Variants in TTC14 observed in about 807,000 individuals in gnomAD.
TTC14 encodes tetratricopeptide repeat protein 14.
Under a neutral mutation model 79.9 loss-of-function variants are expected in TTC14, and 63 were observed. That is an observed-to-expected ratio of 0.79 (90% CI 0.64 to 0.97). The LOEUF (loss-of-function observed/expected upper bound fraction) is 0.97, where lower values mean the gene tolerates loss of function less well. Among genes scored for constraint, TTC14 ranks in the 50% least tolerant of loss-of-function variants. The probability of loss-of-function intolerance (pLI) is 0.00; values close to 1 mark genes in which losing one functional copy is unlikely to be tolerated. For missense variants in TTC14, 895 were observed against 894.0 expected (o/e 1.00, Z -0.01); for synonymous variants, 335 against 309.6 (o/e 1.08, Z -0.86).
intron 10 of TTC14, chr3:180,608,446 A>T: frequency 9.7e-7 from 1 of 1,031,148 alleles, no homozygotes; most frequent in South Asian, 4.5e-5. Flanking sequence ...GTACCACTGC[A>T]ATGGCTTCCC....
chr3:180,602,811 TG>T, intron 1 of TTC14, 79 bp from the exon 2 acceptor site: 1 of 1,475,560 alleles, frequency 6.8e-7, no homozygotes, highest in African/African-American at 1.4e-5. Context: ...GAATGGGCGA[TG>T]AAAGCCATAA....
chr3:180,609,012 A>C, intron 11 of TTC14: 1 of 1,088,102 alleles, frequency 9.2e-7, no homozygotes, highest in Non-Finnish European at 1.1e-6. Context: ...AATTCTACAA[A>C]AAAAGAGTAT....
rs1475409607 is a variant in TTC14, at chr3:180,603,232, G to T, written c.395G>T (p.Arg132Ile). The T allele has an allele frequency of 1.9e-6, 3 of 1,614,106 alleles. No homozygotes were observed. The South Asian group carries it at 3.3e-5, about 18-fold the overall frequency. Residue 132 changes from arginine (R) to isoleucine (I), a missense_variant, in exon 3 of 12, where the codon AGA becomes ATA. Physicochemically the swap from Arg to Ile is moderately conservative, Grantham distance 97. Coordinates refer to ENST00000296015, the MANE Select transcript of TTC14 (RefSeq NM_133462.4). Reference sequence around the variant, plus strand: ...GAGCGTGGTGATATAGTGATTGGAAGAATTAGTTCTATTCGGGAATTCGGT... The same window carrying T: ...GAGCGTGGTGATATAGTGATTGGAATAATTAGTTCTATTCGGGAATTCGGT... ...DIERGDIVIG[R>I]ISSIREFGFF...
downstream of TTC14, chr3:180,614,072 A>G (rs182186111): frequency 1.4e-5 from 4 of 278,680 alleles, no homozygotes; most frequent in East Asian, 3.7e-4. Flanking sequence ...CCAAGAGTAC[A>G]AAGTGTTGGG....
chr3:180,607,920 T>C (rs778746484), intron 10 of TTC14, 155 bp downstream of exon 10: 6 of 1,407,648 alleles, frequency 4.3e-6, no homozygotes, highest in African/African-American at 1.5e-5. Context: ...TTGACATTGC[T>C]TCATAGTGCC....
At chr3:180,605,644 G>C in intron 6 of TTC14, 122 bp from the exon 7 acceptor site, 1 of 647,580 alleles carries the variant, frequency 1.5e-6, no homozygotes, top group Non-Finnish European at 2.6e-6. Context: ...TATGTAAATA[G>C]AATGCAGATT....
At chr3:180,612,551 G>A (rs146867011), downstream of TTC14, among the ~76,000 whole-genome samples, 673 of 152,240 alleles carry the variant, frequency 4.4e-3, 9 homozygotes, top group African/African-American at 0.016. Flanking sequence ...GATTGCTTGA[G>A]GCTAGAAATT....
Position 180,603,217 on chromosome 3 carries a change from A to C in TTC14, c.380A>C (p.Asp127Ala). 2 of 1,613,980 alleles carry C rather than the reference A, an allele frequency of 1.2e-6. No homozygotes were observed. The highest frequency in any genetic ancestry group is 1.7e-6 in the Non-Finnish European group (2 of 1,179,990). Residue 127 changes from aspartate to alanine, a missense_variant, in exon 3 of 12, where the codon GAT becomes GCT. Physicochemically the swap from Asp to Ala is moderately radical, Grantham distance 126 (BLOSUM62 -2). Coordinates refer to ENST00000296015, the MANE Select transcript of TTC14 (RefSeq NM_133462.4). ...TTTTTCCGAGATATTGAGCGTGGTG[A>C]TATAGTGATTGGAAGAATTAGTTCT... ...ELFFRDIERG[D>A]IVIGRISSIR...
At chr3:180,606,707 C>A in intron 9 of TTC14, 104 bp downstream of exon 9, 1 of 1,289,386 alleles carries the variant, frequency 7.8e-7, no homozygotes, top group Non-Finnish European at 1.1e-6. Context: ...ATTTATAACA[C>A]TCTTGGTTTC....
At chr3:180,602,773 T>G in intron 1 of TTC14, 118 bp from the exon 2 acceptor site, 1 of 1,222,322 alleles carries the variant, frequency 8.2e-7, no homozygotes, top group South Asian at 1.6e-5. Flanking sequence ...TGTCTGAGGT[T>G]GTATTGTCTG....
chr3:180,610,261 T>C lies in TTC14; in HGVS notation c.2032T>C (p.Ser678Pro). The change falls in exon 12 of 12, where the codon TCT (serine) becomes CCT (proline). Residue 678 changes from serine (S) to proline (P), a missense_variant. Physicochemically the swap from Ser to Pro is moderately conservative, Grantham distance 74. Coordinates refer to ENST00000296015, the MANE Select transcript of TTC14 (RefSeq NM_133462.4). ...HSTSPASSEY[S>P]WKSVEKYKKY... ...TACCTCACCAGCAAGCTCAGAATAC[T>C]CTTGGAAGTCAGTTGAGAAATACAA... is the stretch of plus-strand genomic sequence containing the variant. 2.5e-6 allele frequency: 4 copies of C among 1,613,978 alleles called. No individual in the cohort carries two copies. The highest frequency in any genetic ancestry group is 3.4e-6 in the Non-Finnish European group (4 of 1,179,916).
chr3:180,604,396 A>G (rs1716557309), intron 4 of TTC14, 82 bp from the exon 5 acceptor site: 7 of 1,535,432 alleles, frequency 4.6e-6, no homozygotes, highest in South Asian at 1.2e-5. Context: ...CTAAGAGGGT[A>G]GTGTTTGGGA....
At position 180,608,805 on chromosome 3, in the gene TTC14, G is replaced by C. The variant is rs373645200; in HGVS notation, c.1395G>C (p.Glu465Asp). 2.6e-5 allele frequency: 40 copies of C among 1,532,026 alleles called. No individual in the cohort carries two copies. Among genetic ancestry groups the C allele is most frequent in the East Asian group, 4.7e-5 (2 of 42,774 alleles). The allele number at this position is 1,532,026 out of a possible 1,614,324, so 94.9% of individuals were successfully genotyped here. A position where few individuals can be genotyped will look rare whatever the true frequency, so the allele number is the denominator to read the frequency against. ...AGTTGCGTAAGCTCTTAAAAGAAGAGAAGAGGTAAACTATAATATTCAGTA... is the reference window on the plus strand; with the variant it reads ...AGTTGCGTAAGCTCTTAAAAGAAGACAAGAGGTAAACTATAATATTCAGTA... The part of the protein sequence containing the change: ...AEKLRKLLKE[E>D]KRLKKKRRKS... The change falls in exon 11 of 12, where the codon GAG (glutamate) becomes GAC (aspartate). Residue 465 changes from glutamate (E) to aspartate (D), a missense_variant. Coordinates refer to ENST00000296015, the MANE Select transcript of TTC14 (RefSeq NM_133462.4).
At chr3:180,605,954 TGACATGAGC>T in intron 7 of TTC14, 117 bp downstream of exon 7, 1 of 1,049,192 alleles carries the variant, frequency 9.5e-7, no homozygotes, top group Non-Finnish European at 1.4e-6. Flanking sequence ...GATGCCTTTT[TGACATGAGC>T]TTTTCTTTTA....
In TTC14 at chr3:180,606,237, C is replaced by G. The variant is rs1716675248; in HGVS notation, c.930-16C>G. ...TGTTTGAAGTGTTTGTGATGCTTTA[C>G]AAATGTCTTTTTTAGTGTGAAGATC... On this transcript the variant is annotated splice_polypyrimidine_tract_variant and intron_variant, in intron 7 of 11. Coordinates refer to ENST00000296015, the MANE Select transcript of TTC14 (RefSeq NM_133462.4). 1 of 1,612,850 alleles carries G rather than the reference C, an allele frequency of 6.2e-7. No individual in the cohort carries two copies. The highest frequency in any genetic ancestry group is 8.5e-7 in the Non-Finnish European group (1 of 1,179,646).
chr3:180,605,111 A>T, intron 6 of TTC14, 104 bp downstream of exon 6: 1 of 1,153,834 alleles, frequency 8.7e-7, no homozygotes, highest in Non-Finnish European at 1.2e-6. Flanking sequence ...GCCACCTAGT[A>T]GCAGGCATAT....
At chr3:180,606,634 G>A (rs759793290) in intron 9 of TTC14, 31 bp downstream of exon 9, 1 of 1,577,384 alleles carries the variant, frequency 6.3e-7, no homozygotes, top group South Asian at 1.2e-5. Context: ...AATAGTGGAG[G>A]TCTAATGTTC....
At position 180,606,297 on chromosome 3, in the gene TTC14, A is replaced by G. The variant is rs2108393735; in HGVS notation, c.974A>G (p.Asp325Gly). ...VDYFKVGRHV[D>G]AMNEYNKALE... Reference sequence around the variant, plus strand: ...TATTTTAAAGTTGGACGCCATGTGGATGCTATGAATGAATACAATAAAGCT... The same window carrying G: ...TATTTTAAAGTTGGACGCCATGTGGGTGCTATGAATGAATACAATAAAGCT... The change falls in exon 8 of 12, where the codon GAT becomes GGT. Residue 325 changes from aspartate to glycine, a missense_variant. Asp to Gly is a moderately conservative substitution (Grantham distance 94). Transcript: ENST00000296015. 6.2e-7 allele frequency: 1 copy of G among 1,614,122 alleles called. No individual in the cohort carries two copies. The highest frequency in any genetic ancestry group is 2.2e-5 in the East Asian group (1 of 44,862).
At chr3:180,603,576 G>A in intron 3 of TTC14, 1 of 467,828 alleles carries the variant, frequency 2.1e-6, no homozygotes, top group Non-Finnish European at 3.9e-6. Flanking sequence ...TGCTCAAAGA[G>A]GTATCAGTGG....
Sources: allele counts gnomAD v4.1 joint callset (sites outside exome capture counted in the v4.1 genomes callset), GRCh38; gene constraint gnomAD v4.1.1; transcripts MANE v1.5; gene names NCBI Gene and HGNC (gene_info 2026-07-23, HGNC 2026-07-21).